CFI: variants seen among roughly 807,000 people sequenced by gnomAD.
The protein encoded by CFI is C3B/C4B inactivator.
Under a neutral mutation model 78.8 loss-of-function variants are expected in CFI, and 66 were observed. The observed-to-expected ratio is 0.84, with a 90% CI of 0.69 to 1.03. CFI has a LOEUF of 1.03. Among genes scored for constraint, CFI ranks in the 50% least tolerant of loss-of-function variants. The probability of loss-of-function intolerance (pLI) is 0.00; values close to 1 mark genes in which losing one functional copy is unlikely to be tolerated. For missense variants in CFI, 706 were observed against 704.5 expected, an observed-to-expected ratio of 1.00 and a Z score of -0.02; for synonymous variants, 250 against 232.6, an observed-to-expected ratio of 1.07 and a Z score of -0.68.
intron 12 of CFI, 146 bp downstream of exon 12, chr4:109,742,345 A>C (rs1723901201): frequency 1.5e-6 from 1 of 687,854 alleles, no homozygotes; most frequent in African/African-American, 1.8e-5. Flanking sequence ...CAGGGAAGGG[A>C]CTGAAAGAGT....
chr4:109,797,318 T>C (rs991314233), intron 1 of CFI, among the ~76,000 whole-genome samples: 28 of 152,126 alleles, frequency 1.8e-4, no homozygotes, highest in African/African-American at 4.6e-4. Flanking sequence ...CAAGAATATA[T>C]AATGGGTGAA....
intron 6 of CFI, 191 bp from the exon 7 acceptor site, chr4:109,757,974 A>C: frequency 2.1e-6 from 3 of 1,459,050 alleles, no homozygotes; most frequent in Non-Finnish European, 2.7e-6. Context: ...AACAAAAAAC[A>C]AAAAACTCAC....
At chr4:109,748,390 C>A (rs1724736965) in intron 10 of CFI, among the ~76,000 whole-genome samples, 1 of 152,202 alleles carries the variant, frequency 6.6e-6, no homozygotes, top group East Asian at 1.9e-4. Context: ...GGGAAAGATG[C>A]AGCAGTAAAT....
rs893848452 is a variant in CFI at position 109,766,500 on chromosome 4, C to T, written c.328+54G>A. 6.3e-6 allele frequency: 10 copies of T among 1,578,062 alleles called. No individual in the cohort carries two copies. The African/African-American group carries it at 1.1e-4, about 17-fold the overall frequency. The stretch of plus-strand genomic sequence containing the variant: ...AATTATTTTCTGATAGAAAGTATGG[C>T]ATACAAATACCCTTTTATATCATAG... On this transcript the variant is annotated intron_variant, in intron 2 of 12. Transcript: ENST00000394634.
intron 7 of CFI, among the ~76,000 whole-genome samples, chr4:109,756,105 C>G (rs1421436321): frequency 2.6e-5 from 4 of 151,678 alleles, no homozygotes; most frequent in Non-Finnish European, 5.9e-5. Flanking sequence ...TGCATGCAAA[C>G]AAAAAAACGT....
chr4:109,766,772 T>C lies in CFI; in HGVS notation c.110A>G (p.Lys37Arg). 3 of 1,614,206 alleles carry C rather than the reference T, an allele frequency of 1.9e-6. No individual in the cohort carries two copies. Among genetic ancestry groups the C allele is most frequent in the Non-Finnish European group, 2.5e-6 (3 of 1,180,018 alleles). ...TTTATCGCAGGAGAGGTGAGTATAT[T>C]TTTTTGCTAAGCACTTTTTCTCCAC... is the stretch of plus-strand genomic sequence containing the variant. Reference protein sequence around the residue: ...DLVEKKCLAKKYTHLSCDKVF... With the variant: ...DLVEKKCLAKRYTHLSCDKVF... Residue 37 changes from lysine (K) to arginine (R), a missense_variant, in exon 2 of 13, where the codon AAA becomes AGA. Physicochemically the swap from Lys to Arg is conservative, Grantham distance 26. Transcript: ENST00000394634.
Position 109,801,984 on chromosome 4 carries a change from C to CAT in CFI, c.-14_-13insAT. 6.2e-7 allele frequency: 1 copy of CAT among 1,608,252 alleles called. No homozygotes were observed. Among genetic ancestry groups the CAT allele is most frequent in the African/African-American group, 1.3e-5 (1 of 74,882 alleles). On this transcript the variant is annotated 5_prime_UTR_variant, in exon 1 of 13. It adds an upstream start codon to the 5' untranslated region. Coordinates refer to ENST00000394634, the MANE Select transcript of CFI (RefSeq NM_000204.5). ...GAAGAAGCTTCATGTTGGAGGTGTT[C>CAT]GGGGTCTTTGTCTCTGCTGAGAACT...
At chr4:109,765,571 G>A (rs1220375547) in intron 2 of CFI, among the ~76,000 whole-genome samples, 1 of 152,146 alleles carries the variant, frequency 6.6e-6, no homozygotes, top group African/African-American at 2.4e-5. Flanking sequence ...GGTTTGGAGG[G>A]ACTTGAAACT....
intron 1 of CFI, chr4:109,793,387 T>A (rs897630706): frequency 6.6e-6 from 1 of 152,254 alleles, no homozygotes; most frequent in African/African-American, 2.4e-5. Flanking sequence ...AAAACCAAAA[T>A]AATATAATAC....
At chr4:109,754,382 G>T (rs1325546112) in intron 7 of CFI, among the ~76,000 whole-genome samples, 1 of 143,458 alleles carries the variant, frequency 7.0e-6, no homozygotes, top group Admixed American at 7.2e-5. Flanking sequence ...ACAGGTATGG[G>T]TTAGCATTAG....
intron 12 of CFI, 113 bp from the exon 13 acceptor site, chr4:109,741,223 A>G: frequency 6.4e-7 from 1 of 1,568,402 alleles, no homozygotes; most frequent in African/African-American, 1.4e-5. Context: ...TCCTGACAGC[A>G]ATAGCATGGG....
At chr4:109,753,804 CTAATGTATAATTTTATATTATATATTATA>C (rs1725722401) in intron 7 of CFI, among the ~76,000 whole-genome samples, 46 of 90,364 alleles carry the variant, frequency 5.1e-4, no homozygotes, top group African/African-American at 2.0e-3. Context: ...TATATATTAT[CTAATGTATAATTTTATATTATATATTATA>C]TAATGTATAA....
chr4:109,767,444 A>G (rs1462092516), intron 1 of CFI, among the ~76,000 whole-genome samples: 1 of 151,566 alleles, frequency 6.6e-6, no homozygotes, highest in African/African-American at 2.4e-5. Flanking sequence ...AGAAAAAAAC[A>G]AACAACCCCA....
chr4:109,746,489 G>A lies in CFI; in HGVS notation c.1162C>T (p.His388Tyr), dbSNP rs1178498237. 1.2e-6 allele frequency: 2 copies of A among 1,610,892 alleles called. No individual in the cohort carries two copies. Among genetic ancestry groups the A allele is most frequent in the Non-Finnish European group, 8.5e-7 (1 of 1,178,398 alleles). Residue 388 changes from histidine to tyrosine, a missense_variant, in exon 11 of 13, where the codon CAT becomes TAT. By Grantham distance (83) the His-to-Tyr change is moderately conservative. Transcript: ENST00000394634. Reference sequence around the variant, plus strand: ...ACTGTTGTCCATATTTGGTAACGATGAGTTTTACTGGCTCTATAACAGAAA... The same window carrying A: ...ACTGTTGTCCATATTTGGTAACGATAAGTTTTACTGGCTCTATAACAGAAA... ...AAHCLRASKT[H>Y]RYQIWTTVVD...
chr4:109,793,158 A>G (rs1731593738), intron 1 of CFI, among the ~76,000 whole-genome samples: 1 of 151,982 alleles, frequency 6.6e-6, no homozygotes, highest in Non-Finnish European at 1.5e-5. Flanking sequence ...GGTACTATGG[A>G]GATTACAATT....
chr4:109,774,353 G>A (rs1327438226), intron 1 of CFI, among the ~76,000 whole-genome samples: 1 of 152,186 alleles, frequency 6.6e-6, no homozygotes, highest in African/African-American at 2.4e-5. Flanking sequence ...AGGGTTGTCA[G>A]AGAAGATTTT....
chr4:109,746,309 G>A lies in CFI; in HGVS notation c.1342C>T (p.Arg448Cys), dbSNP rs754851037. ...DGNKKDCELP[R>C]SIPACVPWSP... ...CAGGGGACACAGGCAGGGATGGAAC[G>A]AGGCAGCTCACAATCTTTTTTGTTT... The change falls in exon 11 of 13, where the codon CGT becomes TGT. Residue 448 changes from arginine to cysteine, a missense_variant. Physicochemically the swap from Arg to Cys is radical, Grantham distance 180 (BLOSUM62 -3). Coordinates refer to ENST00000394634, the MANE Select transcript of CFI (RefSeq NM_000204.5). 75 of 1,614,050 alleles carry A rather than the reference G, an allele frequency of 4.6e-5. 1 individual carries two copies. The highest frequency in any genetic ancestry group is 9.9e-5 in the South Asian group (9 of 91,086).
rs181994636 is a variant in CFI at position 109,768,188 on chromosome 4, C to T, written c.58-1364G>A. Among the ~76,000 whole-genome samples the T allele has an allele frequency of 4.1e-3, 603 of 147,482 alleles. 8 individuals are homozygous for T. The highest frequency in any genetic ancestry group is 0.014 in the African/African-American group (560 of 39,604). ...TGGAGATATACCTAATGTTAAATGA[C>T]GAGTTACTGGGTGCAGCACACCAAC... is the stretch of plus-strand genomic sequence containing the variant. On this transcript the variant is annotated intron_variant, in intron 1 of 12. Coordinates refer to ENST00000394634, the MANE Select transcript of CFI (RefSeq NM_000204.5).
intron 6 of CFI, among the ~76,000 whole-genome samples, chr4:109,759,172 C>T (rs190172160): frequency 1.1e-4 from 16 of 151,476 alleles, no homozygotes; most frequent in Non-Finnish European, 1.9e-4. Flanking sequence ...GTCATTGACT[C>T]GAAGCTCAAA....
Sources: gnomAD v4.1 joint callset for allele counts (sites outside exome capture counted in the v4.1 genomes callset) on GRCh38, gnomAD v4.1.1 for gene constraint, MANE v1.5 for transcripts, NCBI Gene and HGNC (gene_info 2026-07-23, HGNC 2026-07-21) for gene names.